Variants in MYOM1 observed in about 807,000 individuals in gnomAD.
MYOM1 encodes myomesin 1, also known as myomesin-1.
In MYOM1, 164 loss-of-function variants were observed where a neutral mutation model predicts 205.3. The observed-to-expected ratio is 0.80, with a 90% CI of 0.70 to 0.91. MYOM1 has a LOEUF of 0.91. Ranked by LOEUF, MYOM1 falls within the 40% of genes least tolerant of loss-of-function variation. The pLI, the probability that MYOM1 is intolerant of heterozygous loss-of-function variation, is 0.00. For missense variants in MYOM1, 2,011 were observed against 2,127.3 expected, an observed-to-expected ratio of 0.95 and a Z score of 1.08; for synonymous variants, 772 against 789.4, an observed-to-expected ratio of 0.98 and a Z score of 0.37.
In MYOM1 at chr18:3,131,401, T is replaced by G. The variant is rs1220725775; in HGVS notation, c.2480A>C (p.Glu827Ala). Residue 827 changes from glutamate (E) to alanine (A), a missense_variant, in exon 17 of 38, where the codon GAA (glutamate) becomes GCA (alanine). By Grantham distance (107) the Glu-to-Ala change is moderately radical (BLOSUM62 -1). Coordinates refer to ENST00000356443, the MANE Select transcript of MYOM1 (RefSeq NM_003803.4). ...AATAGCAGCTTTGACTTCAATAGCT[T>G]CTGAATCCTGGGAATATTCACTAAG... The part of the protein sequence containing the change: ...AGLSEYSQDS[E>A]AIEVKAAIGG... 1 of 1,613,744 alleles carries G rather than the reference T, an allele frequency of 6.2e-7. No individual in the cohort carries two copies. The highest frequency in any genetic ancestry group is 1.3e-5 in the African/African-American group (1 of 74,916).
intron 10 of MYOM1, among the ~76,000 whole-genome samples, chr18:3,160,093 T>C (rs148469541): frequency 2.1e-3 from 212 of 99,510 alleles, no homozygotes; most frequent in African/African-American, 8.9e-3. Flanking sequence ...TCCTCCTTCT[T>C]CTCCTCCTCC....
chr18:3,155,471 G>A (rs373005691), intron 10 of MYOM1, among the ~76,000 whole-genome samples: 111 of 152,262 alleles, frequency 7.3e-4, no homozygotes, highest in South Asian at 5.6e-3. Context: ...TGATCCGCCC[G>A]CCTCGGCCTC....
At position 3,183,429 on chromosome 18, in the gene MYOM1, G is replaced by A. The variant is rs553469757; in HGVS notation, c.929+4051C>T. On this transcript the variant is annotated intron_variant, in intron 5 of 37. Coordinates refer to ENST00000356443, the MANE Select transcript of MYOM1 (RefSeq NM_003803.4). ...TTAGTAATGTGGGATTGGTTGGAGA[G>A]CGGCTGCTGAGTGCTTGTATCATTT... is the stretch of plus-strand genomic sequence containing the variant. Among the ~76,000 whole-genome samples the A allele has an allele frequency of 5.9e-5, 9 of 152,298 alleles. No individual in the cohort carries two copies. In the South Asian group the frequency reaches 1.7e-3, roughly 28 times the overall value.
At chr18:3,221,766 C>A (rs1462879973), upstream of MYOM1, among the ~76,000 whole-genome samples, 1 of 152,206 alleles carries the variant, frequency 6.6e-6, no homozygotes, top group Non-Finnish European at 1.5e-5. Flanking sequence ...GATCCAGGTA[C>A]CTGTGAAATT....
At chr18:3,239,455 C>T in the MYOM1 span, among the ~76,000 whole-genome samples, 7 of 152,056 alleles carry the variant, frequency 4.6e-5, no homozygotes, top group Non-Finnish European at 7.4e-5. Flanking sequence ...AAACTGACAT[C>T]AAATAGACAA....
chr18:3,091,144 C>T (rs1254643900), intron 26 of MYOM1, among the ~76,000 whole-genome samples: 6 of 151,890 alleles, frequency 4.0e-5, no homozygotes, highest in South Asian at 2.1e-4. Flanking sequence ...GATGAAACCC[C>T]GTCTCTACTA....
intron 10 of MYOM1, among the ~76,000 whole-genome samples, 191 bp from the exon 11 acceptor site, chr18:3,155,279 A>T (rs541987117): frequency 7.4e-4 from 112 of 152,200 alleles, no homozygotes; most frequent in South Asian, 5.0e-3. Flanking sequence ...TGGAGGGCAG[A>T]GGTGGGATCT....
intron 2 of MYOM1, among the ~76,000 whole-genome samples, chr18:3,204,543 A>T (rs1468855876): frequency 6.6e-6 from 1 of 152,042 alleles, no homozygotes; most frequent in East Asian, 1.9e-4. Context: ...GTACATTGAC[A>T]ATTACAAAAC....
rs562484282 is a variant in MYOM1 at position 3,194,657 on chromosome 18, A to G, written c.291-699T>C. ...GAAAACATGAGAGCAGAGATAGCAG[A>G]GGAAAAGGACTGATGAAATGAAAAG... On this transcript the variant is annotated intron_variant, in intron 2 of 37. Transcript: ENST00000356443. Among the ~76,000 whole-genome samples the G allele has an allele frequency of 1.4e-4, 22 of 152,320 alleles. No individual in the cohort carries two copies. In the South Asian group the frequency reaches 4.1e-3, roughly 29 times the overall value.
At chr18:3,107,692 A>C (rs2079469635) in intron 22 of MYOM1, among the ~76,000 whole-genome samples, 1 of 152,246 alleles carries the variant, frequency 6.6e-6, no homozygotes, top group Non-Finnish European at 1.5e-5. Context: ...AGGTGAGAGG[A>C]AACAAAATTA....
intron 23 of MYOM1, among the ~76,000 whole-genome samples, chr18:3,102,126 C>T (rs540083059): frequency 5.3e-5 from 8 of 151,060 alleles, no homozygotes; most frequent in Admixed American, 2.6e-4. Flanking sequence ...CTCAGCCTCC[C>T]GAGTAGCTGG....
chr18:3,122,456 T>C (rs1037878599), intron 19 of MYOM1, among the ~76,000 whole-genome samples: 8 of 152,182 alleles, frequency 5.3e-5, no homozygotes, highest in African/African-American at 1.9e-4. Flanking sequence ...CATTTAAAAA[T>C]ATCACTTCAA....
intron 8 of MYOM1, among the ~76,000 whole-genome samples, chr18:3,172,248 T>C (rs2080568547): frequency 1.3e-5 from 2 of 152,202 alleles, no homozygotes; most frequent in African/African-American, 4.8e-5. Context: ...AATATGTGAA[T>C]ATAAGCACTC....
rs575483627 is a variant in MYOM1, at chr18:3,109,683, A to G, written c.3418+2615T>C. Among the ~76,000 whole-genome samples, 4 of 152,374 alleles carry G rather than the reference A, an allele frequency of 2.6e-5. No homozygotes were observed. The South Asian group carries it at 8.3e-4, about 32-fold the overall frequency. On this transcript the variant is annotated intron_variant, in intron 22 of 37. Transcript: ENST00000356443. ...GTTGTTGCCTAAAAAGGATTTAAGA[A>G]GAGTTGTCACTAGTCAACTCCTCAA...
At chr18:3,216,667 G>A (rs2081271071) in intron 1 of MYOM1, among the ~76,000 whole-genome samples, 1 of 152,200 alleles carries the variant, frequency 6.6e-6, no homozygotes. Context: ...TATGTGCCTG[G>A]TGGAAGGGCC....
chr18:3,160,118 T>TTCC (rs1210652980), intron 10 of MYOM1, among the ~76,000 whole-genome samples: 46 of 133,116 alleles, frequency 3.5e-4, no homozygotes, highest in Non-Finnish European at 4.7e-4. Context: ...TCTTCTTCTC[T>TTCC]TCCTCCTCCT....
In MYOM1 at chr18:3,111,930, T is replaced by A. The variant is rs149467237; in HGVS notation, c.3418+368A>T. 3.2e-3 allele frequency among the ~76,000 whole-genome samples: 492 copies of A among 152,336 alleles called. 5 individuals are homozygous for A. The highest frequency in any genetic ancestry group is 0.012 in the African/African-American group (481 of 41,580). ...AGGATTGTGCCCACTAGCTGGGCTG[T>A]TCTAGCTTCCCCTATGATTGGGAAA... On this transcript the variant is annotated intron_variant, in intron 22 of 37. Transcript: ENST00000356443.
chr18:3,226,062 C>G, the MYOM1 span, among the ~76,000 whole-genome samples: 2 of 152,188 alleles, frequency 1.3e-5, no homozygotes, highest in African/African-American at 2.4e-5. This position sits in a 1 kb window ranked among gnomAD's most constrained non-coding sequence, Gnocchi z 4.6. Flanking sequence ...GCATTCGCAA[C>G]TAGAACTAGA....
At position 3,137,052 on chromosome 18, in the gene MYOM1, G is replaced by A. The variant is rs374754844; in HGVS notation, c.2026-1322C>T. The stretch of plus-strand genomic sequence containing the variant: ...TGCAAGCTCCGCCTCCTGGGTTCAC[G>A]CCATTCTCCTGCCTCAGCCTCCCGA... On this transcript the variant is annotated intron_variant, in intron 14 of 37. Transcript: ENST00000356443. 4.0e-4 allele frequency among the ~76,000 whole-genome samples: 60 copies of A among 151,490 alleles called. No homozygotes were observed. The South Asian group carries it at 9.4e-3, about 24-fold the overall frequency.
Sources: gnomAD v4.1 joint callset for allele counts (sites outside exome capture counted in the v4.1 genomes callset) on GRCh38, gnomAD v4.1.1 for gene constraint, Gnocchi (gnomAD v3.1) non-coding constraint, MANE v1.5 for transcripts, NCBI Gene and HGNC (gene_info 2026-07-23, HGNC 2026-07-21) for gene names.